Variants in TRIM33 observed in about 807,000 individuals in gnomAD.
TRIM33 encodes tripartite motif containing 33.
Under a neutral mutation model 125.4 loss-of-function variants are expected in TRIM33, and 20 were observed. The observed-to-expected ratio is 0.16, with a 90% CI of 0.11 to 0.23. The LOEUF is 0.23. Among genes scored for constraint, TRIM33 ranks in the 10% least tolerant of loss-of-function variants. TRIM33 has a pLI of 1.00. For missense variants in TRIM33, 920 were observed against 1,411.4 expected, an observed-to-expected ratio of 0.65 and a Z score of 5.58; for synonymous variants, 564 against 513.9, an observed-to-expected ratio of 1.10 and a Z score of -1.32.
At chr1:114,456,239 C>T (rs192268425) in intron 4 of TRIM33, among the ~76,000 whole-genome samples, 1 of 152,254 alleles carries the variant, frequency 6.6e-6, no homozygotes. Context: ...ATGAGAAATG[C>T]TAATTAGGAA....
Position 114,510,762 on chromosome 1 carries a change from G to GGGAGCCGAGGCTGGAGCT in TRIM33, c.297_314dup (p.Ala102_Pro107dup). 6.6e-7 allele frequency: 1 copy of GGGAGCCGAGGCTGGAGCT among 1,523,008 alleles called. No individual in the cohort carries two copies. Among genetic ancestry groups the GGGAGCCGAGGCTGGAGCT allele is most frequent in the South Asian group, 1.2e-5 (1 of 82,420 alleles). The allele number at this position is 1,523,008 out of a possible 1,614,324, so 94.3% of individuals were successfully genotyped here. ...GCGGCCCTGCCGAGGGACCCGGAGCGGGAGCCGAGGCTGGAGCTGGAGCCG... is the reference window on the plus strand; with the variant it reads ...GCGGCCCTGCCGAGGGACCCGGAGCGGGAGCCGAGGCTGGAGCTGGAGCCGAGGCTGGAGCTGGAGCCG... On this transcript the variant is annotated inframe_insertion, in exon 1 of 20. Transcript: ENST00000358465.
intron 1 of TRIM33, among the ~76,000 whole-genome samples, chr1:114,491,149 G>A (rs1652039116): frequency 6.6e-6 from 1 of 152,148 alleles, no homozygotes; most frequent in Non-Finnish European, 1.5e-5. Context: ...CTTCAAATGT[G>A]TGATTAACAT....
At chr1:114,483,102 C>T (rs929811135) in intron 1 of TRIM33, among the ~76,000 whole-genome samples, 14 of 152,018 alleles carry the variant, frequency 9.2e-5, no homozygotes, top group African/African-American at 2.9e-4. Flanking sequence ...ACCAGGTGTT[C>T]GAGACCAGCC....
intron 1 of TRIM33, among the ~76,000 whole-genome samples, chr1:114,480,074 C>T (rs116737387): frequency 0.026 from 3,920 of 152,214 alleles, 87 homozygotes; most frequent in Non-Finnish European, 0.034. Flanking sequence ...GAAATCAGAT[C>T]GTTGCTGTGT....
rs182727482 is a variant in TRIM33, at chr1:114,480,968, T to C, written c.527-16580A>G. On this transcript the variant is annotated intron_variant, in intron 1 of 19. Transcript: ENST00000358465. Reference sequence around the variant, plus strand: ...AAAAAAGATTCTTGGAGTCCGGAGTTTGAGACCAGTCTGGCCAACATGGTG... The same window carrying C: ...AAAAAAGATTCTTGGAGTCCGGAGTCTGAGACCAGTCTGGCCAACATGGTG... 1.4e-3 allele frequency among the ~76,000 whole-genome samples: 215 copies of C among 152,276 alleles called. 2 individuals are homozygous for C. Among genetic ancestry groups the C allele is most frequent in the Admixed American group, 0.013 (206 of 15,282 alleles).
At chr1:114,420,102 A>ACG (rs1216270403) in intron 11 of TRIM33, among the ~76,000 whole-genome samples, 4 of 152,244 alleles carry the variant, frequency 2.6e-5, no homozygotes, top group Non-Finnish European at 4.4e-5. Flanking sequence ...ATTCAGTATA[A>ACG]CGCTGGCAGA....
At chr1:114,430,741 A>G in intron 6 of TRIM33, 57 bp downstream of exon 6, 1 of 929,840 alleles carries the variant, frequency 1.1e-6, no homozygotes, top group Non-Finnish European at 1.8e-6. Context: ...ATAAACATTA[A>G]AAACAGCTAA....
chr1:114,461,378 A>AG (rs1444810366), intron 4 of TRIM33, among the ~76,000 whole-genome samples: 3 of 149,800 alleles, frequency 2.0e-5, no homozygotes, highest in African/African-American at 7.4e-5. Context: ...GTGGAATGGC[A>AG]GTTTGCAGGA....
intron 8 of TRIM33, among the ~76,000 whole-genome samples, chr1:114,426,427 A>C (rs575956155): frequency 6.6e-6 from 1 of 152,148 alleles, no homozygotes; most frequent in Non-Finnish European, 1.5e-5. Flanking sequence ...ACTACGTCAC[A>C]CAAAAACAGC....
At chr1:114,468,566 A>G (rs1386541211) in intron 1 of TRIM33, 2 of 398,978 alleles carry the variant, frequency 5.0e-6, no homozygotes, top group Non-Finnish European at 9.7e-6. Context: ...GAAAAGAAAA[A>G]AACAAAAAAG....
At chr1:114,479,946 C>T (rs1651208515) in intron 1 of TRIM33, among the ~76,000 whole-genome samples, 1 of 151,706 alleles carries the variant, frequency 6.6e-6, no homozygotes, top group South Asian at 2.1e-4. Context: ...AGTGAGGAGC[C>T]CCTCTGCCCG....
Position 114,405,598 on chromosome 1 carries a change from T to C in TRIM33, c.2580A>G (p.Gly860=), listed in dbSNP as rs1652182295. Residue 860 remains glycine (G), a synonymous_variant, in exon 15 of 20, where the codon GGA becomes GGG. Transcript: ENST00000358465. ...KQSGLSSLVN[G]KSPIRSLMHR... ...GCATGAGGCTTCGAATTGGGGACTT[T>C]CCATTAACAAGGCTGCTGAGCCCTG... The C allele has an allele frequency of 6.2e-7, 1 of 1,614,176 alleles. No homozygotes were observed. The highest frequency in any genetic ancestry group is 8.5e-7 in the Non-Finnish European group (1 of 1,180,026).
At position 114,511,021 on chromosome 1, in the gene TRIM33, C is replaced by T; in HGVS notation, c.56G>A (p.Ser19Asn). 1 of 1,321,342 alleles carries T rather than the reference C, an allele frequency of 7.6e-7. No homozygotes were observed. The highest frequency in any genetic ancestry group is 9.7e-7 in the Non-Finnish European group (1 of 1,035,850). The allele number at this position is 1,321,342 out of a possible 1,614,324, so 81.9% of individuals were successfully genotyped here. A position where few individuals can be genotyped will look rare whatever the true frequency, so the allele number is the denominator to read the frequency against. The part of the protein sequence containing the change: ...EAESGGGGSG[S>N]APVTAGAAGP... ...GGCGGCCCCGGCAGTTACCGGCGCG[C>T]TGCCGCTGCCCCCGCCGCCGCTCTC... Residue 19 changes from serine to asparagine, a missense_variant, in exon 1 of 20, where the codon AGC becomes AAC. Ser to Asn is a conservative substitution (Grantham distance 46). Coordinates refer to ENST00000358465, the MANE Select transcript of TRIM33 (RefSeq NM_015906.4).
At chr1:114,472,538 G>C (rs1650712015) in intron 1 of TRIM33, among the ~76,000 whole-genome samples, 2 of 152,088 alleles carry the variant, frequency 1.3e-5, no homozygotes, top group African/African-American at 4.8e-5. Context: ...TTTGAGATCA[G>C]CCTGGGCAAC....
intron 11 of TRIM33, among the ~76,000 whole-genome samples, chr1:114,414,989 ATTT>A (rs56960865): frequency 0.026 from 2,700 of 104,560 alleles, 27 homozygotes; most frequent in Non-Finnish European, 0.035. Flanking sequence ...GGTAGATTCT[ATTT>A]TTTTTTTTTT....
At chr1:114,483,309 A>C (rs1169734279) in intron 1 of TRIM33, among the ~76,000 whole-genome samples, 1 of 151,946 alleles carries the variant, frequency 6.6e-6, no homozygotes, top group South Asian at 2.1e-4. Context: ...CCTGTCTTGA[A>C]AAAAAAAATT....
intron 12 of TRIM33, 53 bp downstream of exon 12, chr1:114,410,131 T>C (rs528643238): frequency 1.9e-6 from 3 of 1,602,380 alleles, no homozygotes; most frequent in Non-Finnish European, 1.7e-6. Context: ...AGACAGATAC[T>C]GACACTGTTT....
chr1:114,399,379 A>T, intron 18 of TRIM33, 78 bp downstream of exon 18: 1 of 1,435,932 alleles, frequency 7.0e-7, no homozygotes, highest in South Asian at 1.3e-5. Flanking sequence ...TAATAAAATT[A>T]AAGTCAGCAG....
At position 114,408,531 on chromosome 1, in the gene TRIM33, T is replaced by C. The variant is rs889987438; in HGVS notation, c.2258+146A>G. 4.4e-5 allele frequency: 24 copies of C among 547,310 alleles called. No individual in the cohort carries two copies. The Admixed American group carries it at 6.2e-4, about 14-fold the overall frequency. The allele number at this position is 547,310 out of a possible 1,614,324, so 33.9% of individuals were successfully genotyped here. A position where few individuals can be genotyped will look rare whatever the true frequency, so the allele number is the denominator to read the frequency against. ...GACCAGAAAGGAATTGGCAGAAGTA[T>C]AGAAGAAACAAGATTGGCCATTATT... On this transcript the variant is annotated intron_variant, in intron 13 of 19. Coordinates refer to ENST00000358465, the MANE Select transcript of TRIM33 (RefSeq NM_015906.4).
Sources: allele counts gnomAD v4.1 joint callset (sites outside exome capture counted in the v4.1 genomes callset), GRCh38; gene constraint gnomAD v4.1.1; transcripts MANE v1.5; gene names NCBI Gene and HGNC (gene_info 2026-07-23, HGNC 2026-07-21).